PRSS12: variants seen among roughly 807,000 people sequenced by gnomAD.
PRSS12 encodes serine protease 12, also known as neurotrypsin.
Under a neutral mutation model 104.4 loss-of-function variants are expected in PRSS12, and 85 were observed. The ratio of observed to expected loss-of-function variants is 0.81; its 90% CI spans 0.68 to 0.98. The LOEUF is 0.98. Ranked by LOEUF, PRSS12 falls within the 50% of genes least tolerant of loss-of-function variation. PRSS12 has a pLI of 0.00. For synonymous variants in PRSS12, 454 were observed against 425.2 expected, an observed-to-expected ratio of 1.07 and a Z score of -0.83; for missense variants, 1,141 against 1,139.2, an observed-to-expected ratio of 1.00 and a Z score of -0.02.
intron 8 of PRSS12, among the ~76,000 whole-genome samples, chr4:118,306,811 T>C (rs756802595): frequency 3.3e-5 from 5 of 152,146 alleles, no homozygotes; most frequent in Admixed American, 6.5e-5. Context: ...TACATGTGTG[T>C]TGATGATGCT....
At chr4:118,291,533 T>C (rs1743127373) in intron 11 of PRSS12, among the ~76,000 whole-genome samples, 1 of 152,158 alleles carries the variant, frequency 6.6e-6, no homozygotes, top group Non-Finnish European at 1.5e-5. Context: ...CCTTTAACAT[T>C]TGTGGTATCT....
rs1226196725 is a variant in PRSS12, at chr4:118,299,790, AAAAT to A, written c.1632-856_1632-853del. 4.1e-3 allele frequency among the ~76,000 whole-genome samples: 395 copies of A among 95,866 alleles called. 4 individuals are homozygous for A. Among genetic ancestry groups the A allele is most frequent in the African/African-American group, 0.011 (343 of 30,752 alleles). 62.9% of individuals were successfully genotyped at this position (95,866 alleles called of 152,430 possible). On this transcript the variant is annotated intron_variant, in intron 8 of 12. Transcript: ENST00000296498. Reference sequence around the variant, plus strand: ...TAAATAAAATAAAATAAAATAAAATAAAATAAATAAAATAAAATAAATAAAATAA... The same window carrying A: ...TAAATAAAATAAAATAAAATAAAATAAAATAAAATAAAATAAATAAAATAA...
chr4:118,326,373 T>A (rs1026114169), intron 4 of PRSS12, among the ~76,000 whole-genome samples: 1 of 152,192 alleles, frequency 6.6e-6, no homozygotes, highest in Non-Finnish European at 1.5e-5. Flanking sequence ...CTAACTAATT[T>A]CTTCCTCCCT....
chr4:118,330,506 C>T (rs1243934820), intron 4 of PRSS12, among the ~76,000 whole-genome samples: 1 of 151,598 alleles, frequency 6.6e-6, no homozygotes, highest in Non-Finnish European at 1.5e-5. Flanking sequence ...CCAAACCAAA[C>T]CAAAAAAAAA....
intron 4 of PRSS12, among the ~76,000 whole-genome samples, chr4:118,324,279 G>A (rs541540486): frequency 6.6e-6 from 1 of 152,100 alleles, no homozygotes; most frequent in African/African-American, 2.4e-5. Flanking sequence ...ATGACCACAG[G>A]ATAAGAAGCT....
intron 12 of PRSS12, among the ~76,000 whole-genome samples, chr4:118,282,526 G>A (rs1418550146): frequency 6.6e-6 from 1 of 152,198 alleles, no homozygotes; most frequent in Non-Finnish European, 1.5e-5. Context: ...ATTTGTGCAG[G>A]CTTTCGTATT....
At chr4:118,338,651 G>C (rs558306977) in intron 1 of PRSS12, among the ~76,000 whole-genome samples, 5 of 152,112 alleles carry the variant, frequency 3.3e-5, no homozygotes, top group Non-Finnish European at 7.4e-5. Context: ...GTGGAAGAAT[G>C]ACTAATATCA....
At chr4:118,342,077 G>C (rs1222550926) in intron 1 of PRSS12, among the ~76,000 whole-genome samples, 2 of 152,136 alleles carry the variant, frequency 1.3e-5, no homozygotes, top group Non-Finnish European at 2.9e-5. Flanking sequence ...AAATCCTCCA[G>C]TAGAAGCTGA....
chr4:118,312,447 T>A (rs943958373), intron 7 of PRSS12, among the ~76,000 whole-genome samples: 1 of 151,906 alleles, frequency 6.6e-6, no homozygotes, highest in Admixed American at 6.5e-5. Flanking sequence ...GTATTTTGAA[T>A]ATTTCCCTCT....
intron 9 of PRSS12, among the ~76,000 whole-genome samples, chr4:118,296,469 A>G (rs1259327837): frequency 6.6e-6 from 1 of 152,260 alleles, no homozygotes; most frequent in African/African-American, 2.4e-5. Flanking sequence ...GAAGAATTAA[A>G]TTAAAAATAT....
intron 8 of PRSS12, 132 bp downstream of exon 8, chr4:118,308,303 AT>A: frequency 8.1e-7 from 1 of 1,240,496 alleles, no homozygotes; most frequent in South Asian, 1.2e-5. Context: ...TCTGGATCAA[AT>A]CAATATGCTG....
intron 6 of PRSS12, 96 bp from the exon 7 acceptor site, chr4:118,313,493 G>A: frequency 1.6e-6 from 2 of 1,269,988 alleles, no homozygotes; most frequent in East Asian, 2.4e-5. Flanking sequence ...TCAGTGACAT[G>A]ACTTCAGAGG....
chr4:118,338,109 A>G, intron 2 of PRSS12, 67 bp downstream of exon 2: 1 of 1,592,398 alleles, frequency 6.3e-7, no homozygotes, highest in Non-Finnish European at 8.6e-7. Flanking sequence ...TTACAAAGCA[A>G]TGACGGGCAC....
chr4:118,302,244 A>G (rs1743420806), intron 8 of PRSS12, among the ~76,000 whole-genome samples: 1 of 152,220 alleles, frequency 6.6e-6, no homozygotes, highest in African/African-American at 2.4e-5. Context: ...CTCTTTTAAT[A>G]CATTGTAGAA....
chr4:118,330,292 A>ACATT (rs1318969601), intron 4 of PRSS12, among the ~76,000 whole-genome samples: 6 of 152,232 alleles, frequency 3.9e-5, no homozygotes, highest in South Asian at 2.1e-4. Flanking sequence ...AGATGAGAAT[A>ACATT]CATTACCTGT....
chr4:118,338,052 A>T, intron 2 of PRSS12, 124 bp downstream of exon 2: 1 of 1,291,602 alleles, frequency 7.7e-7, no homozygotes, highest in Non-Finnish European at 1.1e-6. Flanking sequence ...CTCTTTTGTG[A>T]AAAGTGAGAA....
intron 1 of PRSS12, among the ~76,000 whole-genome samples, chr4:118,346,107 A>G (rs927872258): frequency 2.0e-5 from 3 of 152,312 alleles, no homozygotes; most frequent in East Asian, 3.9e-4. Context: ...AGATTGTTCT[A>G]TCTCTAAGTG....
In PRSS12 at chr4:118,295,040, A is replaced by C; in HGVS notation, c.1938T>G (p.Val646=). The part of the protein sequence containing the change: ...NSLRGGWPWQ[V]SLRLKSSHGD... The stretch of plus-strand genomic sequence containing the variant: ...CATGGGATGACTTCAGCCGGAGGGA[A>C]ACCTGCCAAGGCCAACCACCCCTAA... Residue 646 remains valine, a synonymous_variant, in exon 11 of 13, where the codon GTT becomes GTG. Coordinates refer to ENST00000296498, the MANE Select transcript of PRSS12 (RefSeq NM_003619.4). 6.2e-7 allele frequency: 1 copy of C among 1,614,114 alleles called. No homozygotes were observed. The highest frequency in any genetic ancestry group is 1.3e-5 in the African/African-American group (1 of 75,064).
In PRSS12 at chr4:118,352,418, G is replaced by A. The variant is rs773305255; in HGVS notation, c.303C>T (p.Ser101=). The part of the protein sequence containing the change: ...WGCPAGEPWV[S]VTDFGAPCLR... The stretch of plus-strand genomic sequence containing the variant: ...GACACGGGGCGCCGAAGTCCGTCAC[G>A]CTGACCCATGGCTCGCCGGCGGGGC... Residue 101 remains serine, a synonymous_variant, in exon 1 of 13, where the codon AGC becomes AGT. Coordinates refer to ENST00000296498, the MANE Select transcript of PRSS12 (RefSeq NM_003619.4). 14 of 1,527,372 alleles carry A rather than the reference G, an allele frequency of 9.2e-6. No homozygotes were observed. In the South Asian group the frequency reaches 1.5e-4, roughly 16 times the overall value. 94.6% of individuals were successfully genotyped at this position (1,527,372 alleles called of 1,614,324 possible).
Sources: gnomAD v4.1 joint callset for allele counts (sites outside exome capture counted in the v4.1 genomes callset) on GRCh38, gnomAD v4.1.1 for gene constraint, MANE v1.5 for transcripts, NCBI Gene and HGNC (gene_info 2026-07-23, HGNC 2026-07-21) for gene names.